Variants in MAML3 observed in about 807,000 individuals in gnomAD.
The protein encoded by MAML3 is mastermind like transcriptional coactivator 3, also known as mastermind-like protein 3.
MAML3 carries 27 observed loss-of-function variants against 101.9 expected under a neutral mutation model. The ratio of observed to expected loss-of-function variants is 0.27; its 90% CI spans 0.20 to 0.37. The LOEUF is 0.37. MAML3 is among the 10% of genes least tolerant of loss of function. The pLI, the probability that MAML3 is intolerant of heterozygous loss-of-function variation, is 1.00. For missense variants in MAML3, 1,316 were observed against 1,444.9 expected, an observed-to-expected ratio of 0.91 and a Z score of 1.45; for synonymous variants, 501 against 555.9, an observed-to-expected ratio of 0.90 and a Z score of 1.39.
In MAML3 at chr4:140,108,984, T is replaced by C. The variant is rs72935780; in HGVS notation, c.468+43876A>G. Among the ~76,000 whole-genome samples, 1,013 of 152,240 alleles carry C rather than the reference T, an allele frequency of 6.7e-3. 10 individuals carry two copies. The highest frequency in any genetic ancestry group is 0.023 in the African/African-American group (973 of 41,498). On this transcript the variant is annotated intron_variant, in intron 1 of 4. Coordinates refer to ENST00000509479, the MANE Select transcript of MAML3 (RefSeq NM_018717.5). Reference sequence around the variant, plus strand: ...CAAGTATAGCATAGATATAGAAACATATTTTCCTTCTTATTTACAAGACTG... The same window carrying C: ...CAAGTATAGCATAGATATAGAAACACATTTTCCTTCTTATTTACAAGACTG...
intron 1 of MAML3, among the ~76,000 whole-genome samples, chr4:139,895,789 C>G (rs777678608): frequency 2.0e-5 from 3 of 152,162 alleles, no homozygotes; most frequent in African/African-American, 4.8e-5. Flanking sequence ...GATTGTAGAA[C>G]AGCAGAGGCT....
At position 139,889,747 on chromosome 4, in the gene MAML3, C is replaced by A. The variant is rs1328262641; in HGVS notation, c.1689G>T (p.Lys563Asn). Residue 563 changes from lysine (K) to asparagine (N), a missense_variant, in exon 2 of 5, where the codon AAG (lysine) becomes AAT (asparagine). Transcript: ENST00000509479. ...IVPPMANNLQ[K>N]TTMNNYLPQN... Reference sequence around the variant, plus strand: ...GAGGGAGGTAGTTATTCATTGTTGTCTTCTGCAGGTTGTTTGCCATTGGAG... The same window carrying A: ...GAGGGAGGTAGTTATTCATTGTTGTATTCTGCAGGTTGTTTGCCATTGGAG... The A allele has an allele frequency of 6.2e-7, 1 of 1,613,978 alleles. No individual in the cohort carries two copies. The highest frequency in any genetic ancestry group is 8.5e-7 in the Non-Finnish European group (1 of 1,179,898).
At chr4:139,764,770 G>A (rs1006046727) in intron 2 of MAML3, among the ~76,000 whole-genome samples, 2 of 152,370 alleles carry the variant, frequency 1.3e-5, no homozygotes, top group Non-Finnish European at 2.9e-5. Flanking sequence ...GTGGGATGGT[G>A]CCATCTTCCA....
chr4:140,117,649 G>GTATATA lies in MAML3; in HGVS notation c.468+35205_468+35210dup, dbSNP rs57634970. Among the ~76,000 whole-genome samples the GTATATA allele has an allele frequency of 7.7e-4, 114 of 148,564 alleles. 1 individual carries two copies. Among genetic ancestry groups the GTATATA allele is most frequent in the South Asian group, 3.0e-3 (14 of 4,726 alleles). On this transcript the variant is annotated intron_variant, in intron 1 of 4. Transcript: ENST00000509479. ...TATGTATGTATGTATGTGTATACAG[G>GTATATA]TATATATATATATACACATATATAC...
At chr4:139,893,836 G>A (rs893638221) in intron 1 of MAML3, among the ~76,000 whole-genome samples, 4 of 152,138 alleles carry the variant, frequency 2.6e-5, no homozygotes, top group African/African-American at 7.2e-5. Flanking sequence ...CAGTGCATGT[G>A]GCCGTGGTGA....
intron 1 of MAML3, among the ~76,000 whole-genome samples, chr4:140,066,901 G>T (rs939237205): frequency 1.3e-5 from 2 of 152,144 alleles, no homozygotes; most frequent in Non-Finnish European, 2.9e-5. Flanking sequence ...ATCTTTTAGT[G>T]CCAATTTTTC....
intron 1 of MAML3, among the ~76,000 whole-genome samples, chr4:139,929,553 G>A (rs1733336997): frequency 6.6e-6 from 1 of 152,146 alleles, no homozygotes; most frequent in South Asian, 2.1e-4. Flanking sequence ...CTATTCAGAT[G>A]CAGTTTATTG....
chr4:140,043,094 C>T (rs1727115041), intron 1 of MAML3, among the ~76,000 whole-genome samples: 1 of 152,170 alleles, frequency 6.6e-6, no homozygotes, highest in Non-Finnish European at 1.5e-5. Context: ...AAATTCAGGA[C>T]TGTTCCCAGA....
chr4:139,966,393 G>C (rs1734130863), intron 1 of MAML3, among the ~76,000 whole-genome samples: 1 of 152,134 alleles, frequency 6.6e-6, no homozygotes, highest in Admixed American at 6.6e-5. Flanking sequence ...CAGATGTTAG[G>C]AACTAGAAAC....
intron 2 of MAML3, among the ~76,000 whole-genome samples, chr4:139,813,974 C>G (rs779080816): frequency 6.6e-6 from 1 of 151,090 alleles, no homozygotes. Flanking sequence ...AAAGTGGCAA[C>G]AGAAATGTCA....
chr4:140,061,350 G>A (rs1662646152), intron 1 of MAML3, among the ~76,000 whole-genome samples: 1 of 152,178 alleles, frequency 6.6e-6, no homozygotes, highest in Admixed American at 6.5e-5. Context: ...CTACGATATG[G>A]GAGACTGCAT....
intron 1 of MAML3, among the ~76,000 whole-genome samples, chr4:140,005,865 T>G (rs981487345): frequency 6.6e-6 from 1 of 152,242 alleles, no homozygotes; most frequent in Non-Finnish European, 1.5e-5. Flanking sequence ...GAGTGAAGCC[T>G]TGTCACTCAC....
intron 2 of MAML3, among the ~76,000 whole-genome samples, chr4:139,804,647 C>A (rs542909465): frequency 6.6e-6 from 1 of 152,196 alleles, no homozygotes; most frequent in Admixed American, 6.5e-5. Context: ...TCTGCTTATA[C>A]TCTAAAATTC....
At chr4:139,997,734 C>T (rs1734844694) in intron 1 of MAML3, among the ~76,000 whole-genome samples, 1 of 151,756 alleles carries the variant, frequency 6.6e-6, no homozygotes, top group Non-Finnish European at 1.5e-5. Flanking sequence ...GGCATGTTAA[C>T]AGCCATTTTT....
chr4:140,104,386 T>TA (rs1227064285), intron 1 of MAML3, among the ~76,000 whole-genome samples: 2 of 58,648 alleles, frequency 3.4e-5, no homozygotes, highest in African/African-American at 8.3e-5. Flanking sequence ...AATATATATA[T>TA]ATTATATATT....
At chr4:139,746,666 G>T (rs1218083541) in intron 2 of MAML3, among the ~76,000 whole-genome samples, 2 of 152,140 alleles carry the variant, frequency 1.3e-5, no homozygotes, top group South Asian at 4.1e-4. Flanking sequence ...AGATTCCGCA[G>T]ACGTTTGACA....
At position 139,982,326 on chromosome 4, in the gene MAML3, AG is replaced by A. The variant is rs567322016; in HGVS notation, c.469-91360del. ...TTTGACATACCCCTATTATTATGGG[AG>A]TTTTTTTGAATACTTCCTTAACTCT... On this transcript the variant is annotated intron_variant, in intron 1 of 4. Coordinates refer to ENST00000509479, the MANE Select transcript of MAML3 (RefSeq NM_018717.5). Among the ~76,000 whole-genome samples, 250 of 152,158 alleles carry A rather than the reference AG, an allele frequency of 1.6e-3. 1 individual carries two copies. Among genetic ancestry groups the A allele is most frequent in the Non-Finnish European group, 2.8e-3 (190 of 68,006 alleles).
chr4:139,759,592 A>G (rs771091733), intron 2 of MAML3, among the ~76,000 whole-genome samples: 20 of 152,218 alleles, frequency 1.3e-4, no homozygotes, highest in Admixed American at 2.0e-4. Context: ...CTAGGTTATT[A>G]AAAGAACTGC....
At chr4:139,950,926 C>T (rs1733822509) in intron 1 of MAML3, among the ~76,000 whole-genome samples, 2 of 152,182 alleles carry the variant, frequency 1.3e-5, no homozygotes, top group Non-Finnish European at 2.9e-5. Context: ...GCATTTTGGT[C>T]ACCTTTTCTT....
Sources: gnomAD v4.1 joint callset for allele counts (sites outside exome capture counted in the v4.1 genomes callset) on GRCh38, gnomAD v4.1.1 for gene constraint, MANE v1.5 for transcripts, NCBI Gene and HGNC (gene_info 2026-07-23, HGNC 2026-07-21) for gene names.